Variants in PUDP observed in about 807,000 individuals in gnomAD.
The protein encoded by PUDP is pseudouridine-5'-phosphatase.
In PUDP, 8 loss-of-function variants were observed where a neutral mutation model predicts 9.4. The observed-to-expected ratio is 0.85, with a 90% CI of 0.50 to 1.53. PUDP has a LOEUF of 1.53. Ranked by LOEUF, PUDP falls within the 40% of genes most tolerant of loss-of-function variation. PUDP has a pLI of 0.00. For synonymous variants in PUDP, 99 were observed against 80.7 expected (o/e 1.23, Z -1.22); for missense variants, 188 against 189.7 (o/e 0.99, Z 0.05).
chrX:7,090,627 G>A (rs781374011), intron 2 of PUDP, among the ~76,000 whole-genome samples: 3 of 111,682 alleles, frequency 2.7e-5, no homozygotes, highest in Non-Finnish European at 3.8e-5. Context: ...TGGGAATTTC[G>A]TACTATTTTC....
chrX:6,969,749 G>A (rs1341317823), intron 3 of PUDP, among the ~76,000 whole-genome samples: 1 of 111,665 alleles, frequency 9.0e-6, no homozygotes, highest in Non-Finnish European at 1.9e-5. Flanking sequence ...AGGCATGGAG[G>A]TGCACACCTG....
chrX:7,008,184 T>A (rs1426566085), intron 1 of PUDP, among the ~76,000 whole-genome samples: 31 of 110,549 alleles, frequency 2.8e-4, no homozygotes, highest in Non-Finnish European at 2.1e-4. Flanking sequence ...CAGGATGGTC[T>A]CAATCTCCTG....
At chrX:6,745,320 T>A (rs976916733) in intron 3 of PUDP, among the ~76,000 whole-genome samples, 8 of 112,515 alleles carry the variant, frequency 7.1e-5, no homozygotes, top group Non-Finnish European at 1.5e-4. Flanking sequence ...GTCTTCTATC[T>A]GCAGAATTCA....
chrX:7,056,646 G>A (rs1930252044), intron 3 of PUDP, among the ~76,000 whole-genome samples: 1 of 111,166 alleles, frequency 9.0e-6, no homozygotes. Flanking sequence ...CAGTTTTCAC[G>A]CACCTTCCCA....
intron 3 of PUDP, among the ~76,000 whole-genome samples, chrX:6,816,993 A>AGT (rs1469477792): frequency 4.3e-5 from 4 of 93,411 alleles, no homozygotes; most frequent in Admixed American, 1.2e-4. Context: ...TATACTATAT[A>AGT]GTATATATAA....
intron 2 of PUDP, among the ~76,000 whole-genome samples, chrX:7,099,679 T>C (rs1336045424): frequency 6.2e-5 from 7 of 112,285 alleles, no homozygotes; most frequent in African/African-American, 2.3e-4. Context: ...GTCTTCTTAG[T>C]GGCTAGACTG....
chrX:6,790,044 C>G (rs1488374081), intron 3 of PUDP, among the ~76,000 whole-genome samples: 1 of 108,922 alleles, frequency 9.2e-6, no homozygotes, highest in African/African-American at 3.3e-5. Context: ...TTGATAGATA[C>G]AAGATAGATA....
intron 1 of PUDP, among the ~76,000 whole-genome samples, chrX:7,021,901 A>C (rs1264025038): frequency 8.9e-6 from 1 of 112,327 alleles, no homozygotes; most frequent in Non-Finnish European, 1.9e-5. Context: ...TTTTATGCAA[A>C]ATTAATTACA....
chrX:6,996,758 C>T lies in PUDP; in HGVS notation c.205-18415G>A, dbSNP rs775950587. 5.7e-5 allele frequency among the ~76,000 whole-genome samples: 6 copies of T among 105,944 alleles called. No individual in the cohort carries two copies. In the South Asian group the frequency reaches 2.2e-3, roughly 39 times the overall value. The allele number at this position is 105,944 out of a possible 115,157, so 92.0% of individuals were successfully genotyped here. Reference sequence around the variant, plus strand: ...CTCGGCTCACTGCAACCTCAAACCTCCTGGGTTCAAGTGATTCTCCTGCCT... The same window carrying T: ...CTCGGCTCACTGCAACCTCAAACCTTCTGGGTTCAAGTGATTCTCCTGCCT... On this transcript the variant is annotated intron_variant and NMD_transcript_variant, in intron 1 of 3. Transcript: ENST00000655425.
At position 6,824,937 on chromosome X, in the gene PUDP, G is replaced by T. The variant is rs1335249775; in HGVS notation, c.*248-118471C>A. Among the ~76,000 whole-genome samples, 4 of 112,147 alleles carry T rather than the reference G, an allele frequency of 3.6e-5. No homozygotes were observed. The Admixed American group carries it at 3.8e-4, about 11-fold the overall frequency. Reference sequence around the variant, plus strand: ...GCACCCAGGTGGAAGACGGTTTGTTGTTTACTGCAATTAAGGGAGAGGTGA... The same window carrying T: ...GCACCCAGGTGGAAGACGGTTTGTTTTTTACTGCAATTAAGGGAGAGGTGA... On this transcript the variant is annotated intron_variant and NMD_transcript_variant, in intron 3 of 3. Transcript: ENST00000655425.
intron 3 of PUDP, among the ~76,000 whole-genome samples, chrX:6,839,562 C>T (rs142163274): frequency 1.6e-3 from 182 of 111,773 alleles, no homozygotes; most frequent in Non-Finnish European, 2.0e-3. Context: ...CCTAAACCAA[C>T]GGGTTTTTCA....
At chrX:6,929,298 A>G (rs1928153838) in intron 3 of PUDP, among the ~76,000 whole-genome samples, 2 of 112,704 alleles carry the variant, frequency 1.8e-5, no homozygotes, top group African/African-American at 6.4e-5. Flanking sequence ...AACAAGGCCC[A>G]AGGTGGCCTG....
chrX:7,109,638 T>C (rs1837333524), intron 1 of PUDP, among the ~76,000 whole-genome samples: 1 of 112,609 alleles, frequency 8.9e-6, no homozygotes, highest in Non-Finnish European at 1.9e-5. Context: ...CCTCACCATT[T>C]AGATAAAATA....
At chrX:6,816,304 A>C (rs1451680197) in intron 3 of PUDP, among the ~76,000 whole-genome samples, 3 of 104,948 alleles carry the variant, frequency 2.9e-5, no homozygotes, top group Non-Finnish European at 5.8e-5. Flanking sequence ...TGCATAGTAC[A>C]TATATTAATA....
chrX:6,732,396 A>T (rs902442321), intron 3 of PUDP, among the ~76,000 whole-genome samples: 1 of 111,716 alleles, frequency 9.0e-6, no homozygotes, highest in African/African-American at 3.3e-5. Flanking sequence ...GTGTGGGCTT[A>T]TATGTGCATA....
At chrX:6,904,199 G>T (rs762087241) in intron 3 of PUDP, among the ~76,000 whole-genome samples, 23 of 110,444 alleles carry the variant, frequency 2.1e-4, no homozygotes, top group Non-Finnish European at 3.8e-4. Flanking sequence ...TGATCCATCC[G>T]CCTCAGCCTC....
chrX:6,940,901 CTGAG>C (rs1242638813), intron 3 of PUDP, among the ~76,000 whole-genome samples: 1 of 112,010 alleles, frequency 8.9e-6, no homozygotes, highest in East Asian at 2.8e-4. Flanking sequence ...TCAATTTTCA[CTGAG>C]TGATAAGATC....
intron 3 of PUDP, among the ~76,000 whole-genome samples, chrX:6,895,297 G>A (rs1481306143): frequency 9.5e-6 from 1 of 105,713 alleles, no homozygotes; most frequent in Non-Finnish European, 1.9e-5. Flanking sequence ...ATTAACAAAT[G>A]TAATACATTT....
At chrX:6,753,763 G>T (rs145922538) in intron 3 of PUDP, among the ~76,000 whole-genome samples, 1,947 of 111,975 alleles carry the variant, frequency 0.017, 40 homozygotes, top group African/African-American at 0.058. Flanking sequence ...TCAGCCATTT[G>T]TATATCTTCT....
Sources: gnomAD v4.1 joint callset for allele counts (sites outside exome capture counted in the v4.1 genomes callset) on GRCh38, gnomAD v4.1.1 for gene constraint, MANE v1.5 for transcripts, NCBI Gene and HGNC (gene_info 2026-07-23, HGNC 2026-07-21) for gene names.